The following ELAVL4 variants were observed in gnomAD, a reference collection of about 807,000 sequenced individuals.
The protein encoded by ELAVL4 is ELAV like RNA binding protein 4.
Under a neutral mutation model 35.6 loss-of-function variants are expected in ELAVL4, and 1 was observed. The ratio of observed to expected loss-of-function variants is 0.03; its 90% CI spans 0.01 to 0.13. The LOEUF is 0.13. Ranked by LOEUF, ELAVL4 falls within the 10% of genes least tolerant of loss-of-function variation. ELAVL4 has a pLI of 1.00. For synonymous variants in ELAVL4, 156 were observed against 171.0 expected, an observed-to-expected ratio of 0.91 and a Z score of 0.69; for missense variants, 267 against 464.9, an observed-to-expected ratio of 0.57 and a Z score of 3.91.
chr1:50,141,088 G>T (rs1359223878), intron 1 of ELAVL4, among the ~76,000 whole-genome samples: 2 of 152,140 alleles, frequency 1.3e-5, no homozygotes, highest in African/African-American at 4.8e-5. Context: ...TCCTGGAGGA[G>T]GTGGACCTGT....
intron 3 of ELAVL4, 75 bp downstream of exon 3, chr1:50,177,267 G>T (rs1680203446): frequency 2.7e-6 from 3 of 1,116,618 alleles, no homozygotes; most frequent in Non-Finnish European, 4.1e-6. Flanking sequence ...GTAAATCCAG[G>T]CTATGTGGGG....
chr1:50,060,367 A>G (rs1362178081), intron 1 of ELAVL4, among the ~76,000 whole-genome samples: 1 of 152,170 alleles, frequency 6.6e-6, no homozygotes, highest in Non-Finnish European at 1.5e-5. Flanking sequence ...TTCATGATAC[A>G]TAATTGGGTA....
In ELAVL4 at chr1:50,056,801, G is replaced by T. The variant is rs546766757; in HGVS notation, c.18+8619G>T. Among the ~76,000 whole-genome samples the T allele has an allele frequency of 5.3e-5, 8 of 152,030 alleles. No homozygotes were observed. In the South Asian group the frequency reaches 1.5e-3, roughly 28 times the overall value. ...ACAAAAATTAGCTGGACATGGTGGC[G>T]GGCGCCTCTAGTCCCAGCTACTCAG... On this transcript the variant is annotated intron_variant, in intron 1 of 6. Coordinates refer to the ELAVL4 transcript ENST00000448907.
At chr1:50,197,785 T>C (rs999838305) in intron 6 of ELAVL4, among the ~76,000 whole-genome samples, 1 of 152,272 alleles carries the variant, frequency 6.6e-6, no homozygotes, top group Non-Finnish European at 1.5e-5. Context: ...CTCCGACTCT[T>C]TGCTGGCTGG....
chr1:50,094,233 G>A (rs1665617602), intron 1 of ELAVL4, among the ~76,000 whole-genome samples: 1 of 152,160 alleles, frequency 6.6e-6, no homozygotes, highest in South Asian at 2.1e-4. Flanking sequence ...GCTCAAGTGG[G>A]ACAGACATGC....
chr1:50,106,514 A>T, upstream of ELAVL4: 1 of 712,160 alleles, frequency 1.4e-6, no homozygotes, highest in Non-Finnish European at 2.4e-6. Flanking sequence ...AGAAAAAAAA[A>T]ATCATGCATG....
chr1:50,106,203 A>T, upstream of ELAVL4: 1 of 954,580 alleles, frequency 1.0e-6, no homozygotes, highest in Non-Finnish European at 1.6e-6. Flanking sequence ...CGGAGTAGGT[A>T]GTTATTAACG....
chr1:50,136,583 A>G (rs1005886537), intron 1 of ELAVL4, among the ~76,000 whole-genome samples: 2 of 152,188 alleles, frequency 1.3e-5, no homozygotes, highest in African/African-American at 4.8e-5. Context: ...AAACACCTTT[A>G]CATACTCATT....
intron 3 of ELAVL4, among the ~76,000 whole-genome samples, chr1:50,177,603 T>C (rs1433041456): frequency 6.6e-6 from 1 of 152,048 alleles, no homozygotes; most frequent in Admixed American, 6.6e-5. Context: ...ATATAAATAG[T>C]GTGGCCTAAG....
upstream of ELAVL4, among the ~76,000 whole-genome samples, chr1:50,101,125 C>T (rs1372444644): frequency 6.6e-6 from 1 of 151,962 alleles, no homozygotes; most frequent in African/African-American, 2.4e-5. Flanking sequence ...TTGAATCAAA[C>T]AAAATGGGCC....
At chr1:50,102,488 G>T (rs1666040638), upstream of ELAVL4, among the ~76,000 whole-genome samples, 2 of 149,046 alleles carry the variant, frequency 1.3e-5, no homozygotes, top group South Asian at 2.1e-4. Flanking sequence ...CTTTTTCCAT[G>T]GATGTACCTT....
At chr1:50,185,362 T>A (rs1189082497) in intron 3 of ELAVL4, among the ~76,000 whole-genome samples, 2 of 152,106 alleles carry the variant, frequency 1.3e-5, no homozygotes, top group African/African-American at 2.4e-5. Flanking sequence ...TGCAAAATGA[T>A]TTTTTCCAGT....
intron 1 of ELAVL4, among the ~76,000 whole-genome samples, chr1:50,128,189 G>C (rs1670269066): frequency 6.6e-6 from 1 of 152,140 alleles, no homozygotes. Flanking sequence ...AACAAAGGCT[G>C]TAAACATGGC....
chr1:50,159,622 A>T (rs891502397), intron 2 of ELAVL4, among the ~76,000 whole-genome samples: 1 of 152,108 alleles, frequency 6.6e-6, no homozygotes, highest in Non-Finnish European at 1.5e-5. Flanking sequence ...ATAAAAAAAA[A>T]AAATGGGGGG....
chr1:50,149,694 CCACCACGCCT>C, intron 2 of ELAVL4, among the ~76,000 whole-genome samples: 1 of 151,990 alleles, frequency 6.6e-6, no homozygotes, highest in African/African-American at 2.4e-5. Flanking sequence ...CAGGCACCCG[CCACCACGCCT>C]GGCTAATTTT....
At chr1:50,193,991 G>T in intron 4 of ELAVL4, 73 bp downstream of exon 4, 1 of 1,543,972 alleles carries the variant, frequency 6.5e-7, no homozygotes, top group South Asian at 1.2e-5. Flanking sequence ...AGAGCAGAAG[G>T]CTGATGGCTG....
intron 4 of ELAVL4, 109 bp from the exon 5 acceptor site, chr1:50,195,452 C>A: frequency 8.2e-7 from 1 of 1,219,744 alleles, no homozygotes; most frequent in Non-Finnish European, 1.2e-6. Context: ...GCCCTGGCAC[C>A]ACAGGTGGGC....
intron 1 of ELAVL4, among the ~76,000 whole-genome samples, chr1:50,113,688 G>A (rs979809317): frequency 2.0e-5 from 3 of 152,042 alleles, no homozygotes; most frequent in African/African-American, 4.8e-5. Context: ...TCTTACTATT[G>A]TCCAGTCGAT....
chr1:50,142,718 T>C (rs1453115831), intron 1 of ELAVL4, among the ~76,000 whole-genome samples: 2 of 152,226 alleles, frequency 1.3e-5, no homozygotes, highest in African/African-American at 4.8e-5. Context: ...CAGTATCTAC[T>C]GAAGCTAAAT....
Sources: gnomAD v4.1 joint callset for allele counts (sites outside exome capture counted in the v4.1 genomes callset) on GRCh38, gnomAD v4.1.1 for gene constraint, MANE v1.5 for transcripts, NCBI Gene and HGNC (gene_info 2026-07-23, HGNC 2026-07-21) for gene names.